The following XKR4 variants were observed in gnomAD, a reference collection of about 807,000 sequenced individuals.
XKR4 encodes XK related 4.
A neutral mutation model predicts 53.9 loss-of-function variants in XKR4; 12 were observed. The ratio of observed to expected loss-of-function variants is 0.22; its 90% CI spans 0.14 to 0.36. The LOEUF (loss-of-function observed/expected upper bound fraction) is 0.36, where lower values mean the gene tolerates loss of function less well. XKR4 is among the 10% of genes least tolerant of loss of function. The pLI, the probability that XKR4 is intolerant of heterozygous loss-of-function variation, is 1.00. For missense variants in XKR4, 799 were observed against 859.5 expected, an observed-to-expected ratio of 0.93 and a Z score of 0.88; for synonymous variants, 354 against 362.4, an observed-to-expected ratio of 0.98 and a Z score of 0.26.
chr8:55,217,234 T>G (rs1817814768), intron 1 of XKR4, among the ~76,000 whole-genome samples: 1 of 91,028 alleles, frequency 1.1e-5, no homozygotes, highest in Non-Finnish European at 2.3e-5. Flanking sequence ...AGAGCGAGAC[T>G]CTGTCTCAAA....
At chr8:55,492,120 A>C (rs1032259489) in intron 2 of XKR4, among the ~76,000 whole-genome samples, 3 of 152,168 alleles carry the variant, frequency 2.0e-5, no homozygotes, top group Non-Finnish European at 4.4e-5. Context: ...GCAAAGAGCC[A>C]GGGCAATTGC....
At chr8:55,223,823 A>T (rs541048927) in intron 1 of XKR4, among the ~76,000 whole-genome samples, 2 of 152,212 alleles carry the variant, frequency 1.3e-5, no homozygotes, top group African/African-American at 4.8e-5. Flanking sequence ...CTGAAGAGAG[A>T]TAGTTGGGTT....
At position 55,479,046 on chromosome 8, in the gene XKR4, G is replaced by C. The variant is rs926674781; in HGVS notation, c.1007-44235G>C. 4.6e-5 allele frequency among the ~76,000 whole-genome samples: 7 copies of C among 151,990 alleles called. No homozygotes were observed. In the East Asian group the frequency reaches 1.4e-3, roughly 29 times the overall value. On this transcript the variant is annotated intron_variant, in intron 2 of 2. Transcript: ENST00000327381. ...AATTGAACTCAGCTCTGCACCACGCGGACCTAATAGACATCTACAGAACTC... is the reference window on the plus strand; with the variant it reads ...AATTGAACTCAGCTCTGCACCACGCCGACCTAATAGACATCTACAGAACTC...
intron 1 of XKR4, among the ~76,000 whole-genome samples, chr8:55,261,702 G>A (rs1818528084): frequency 6.6e-6 from 1 of 152,144 alleles, no homozygotes; most frequent in African/African-American, 2.4e-5. Flanking sequence ...TAGGGATTTG[G>A]AAACAGACAG....
At chr8:55,401,250 T>C (rs1804597583) in intron 2 of XKR4, among the ~76,000 whole-genome samples, 1 of 152,226 alleles carries the variant, frequency 6.6e-6, no homozygotes, top group Non-Finnish European at 1.5e-5. Context: ...GTGGCTGTCC[T>C]GAGGACAGCT....
In XKR4 at chr8:55,245,887, G is replaced by A. The variant is rs113676706; in HGVS notation, c.807-111791G>A. Among the ~76,000 whole-genome samples the A allele has an allele frequency of 8.1e-3, 1,230 of 152,234 alleles. 22 individuals are homozygous for A. Among genetic ancestry groups the A allele is most frequent in the African/African-American group, 0.026 (1,080 of 41,534 alleles). ...AGGTGGGTGGATTACTTGAAGCCAG[G>A]AGTTCAAGACCAACTTGGGCAACAT... On this transcript the variant is annotated intron_variant, in intron 1 of 2. Transcript: ENST00000327381.
chr8:55,119,480 G>C (rs931365241), intron 1 of XKR4, among the ~76,000 whole-genome samples: 2 of 152,174 alleles, frequency 1.3e-5, no homozygotes, highest in Non-Finnish European at 1.5e-5. Context: ...GGCTGAAATG[G>C]AAGGGGAGAG....
intron 2 of XKR4, among the ~76,000 whole-genome samples, chr8:55,416,791 G>T (rs780003610): frequency 1.3e-5 from 2 of 152,108 alleles, no homozygotes; most frequent in African/African-American, 4.8e-5. Flanking sequence ...ATACCACAGC[G>T]ATTCTCTATG....
chr8:55,463,807 C>T (rs1334458731), intron 2 of XKR4, among the ~76,000 whole-genome samples: 1 of 151,848 alleles, frequency 6.6e-6, no homozygotes, highest in Non-Finnish European at 1.5e-5. Flanking sequence ...ACCACCAATC[C>T]CACAGAAATA....
intron 1 of XKR4, among the ~76,000 whole-genome samples, chr8:55,326,704 C>T (rs928974727): frequency 4.0e-5 from 6 of 151,802 alleles, no homozygotes; most frequent in South Asian, 2.1e-4. Context: ...CTCCTTGGCT[C>T]AAGCGATCTG....
intron 1 of XKR4, among the ~76,000 whole-genome samples, chr8:55,222,243 TCACC>T (rs1368150120): frequency 6.6e-6 from 1 of 152,244 alleles, no homozygotes; most frequent in East Asian, 1.9e-4. Context: ...AATGAAATAC[TCACC>T]TTTCCTGTGG....
At position 55,480,882 on chromosome 8, in the gene XKR4, C is replaced by T. The variant is rs1195309732; in HGVS notation, c.1007-42399C>T. On this transcript the variant is annotated intron_variant, in intron 2 of 2. Transcript: ENST00000327381. ...CTTCAAGGAGAACTACAAACCACTG[C>T]TCTATGAAATAAAAGAGGATACAAA... Among the ~76,000 whole-genome samples the T allele has an allele frequency of 3.9e-5, 6 of 152,120 alleles. No homozygotes were observed. In the East Asian group the frequency reaches 1.2e-3, roughly 29 times the overall value.
chr8:55,409,327 G>A (rs972785965), intron 2 of XKR4, among the ~76,000 whole-genome samples: 2 of 152,230 alleles, frequency 1.3e-5, no homozygotes, highest in African/African-American at 4.8e-5. Flanking sequence ...GAGCTTGTGG[G>A]TGGTGAGAAG....
At chr8:55,310,758 G>C (rs528147537) in intron 1 of XKR4, among the ~76,000 whole-genome samples, 1 of 152,194 alleles carries the variant, frequency 6.6e-6, no homozygotes, top group Admixed American at 6.5e-5. Context: ...TGGTTTTCAG[G>C]TTGAGTTCCT....
At chr8:55,317,266 TA>T (rs1819491365) in intron 1 of XKR4, among the ~76,000 whole-genome samples, 1 of 152,200 alleles carries the variant, frequency 6.6e-6, no homozygotes, top group African/African-American at 2.4e-5. Context: ...TACTTATATC[TA>T]AAGTAGCATT....
intron 1 of XKR4, among the ~76,000 whole-genome samples, chr8:55,326,533 C>T (rs1803297326): frequency 6.8e-6 from 1 of 147,850 alleles, no homozygotes; most frequent in South Asian, 2.2e-4. Context: ...TGCAGTGGCC[C>T]AATCTCGGCT....
chr8:55,366,574 A>G (rs1803992052), intron 2 of XKR4, among the ~76,000 whole-genome samples: 2 of 152,178 alleles, frequency 1.3e-5, no homozygotes, highest in African/African-American at 4.8e-5. Context: ...CCTGCTCCAA[A>G]ATGAACTGCT....
intron 2 of XKR4, among the ~76,000 whole-genome samples, chr8:55,433,787 A>G (rs191204085): frequency 6.6e-6 from 1 of 152,218 alleles, no homozygotes; most frequent in African/African-American, 2.4e-5. Flanking sequence ...GCACTTAGAG[A>G]AGCTGAGGTG....
intron 1 of XKR4, among the ~76,000 whole-genome samples, chr8:55,245,669 C>A (rs1201143668): frequency 6.6e-6 from 1 of 152,196 alleles, no homozygotes; most frequent in African/African-American, 2.4e-5. Context: ...CTCCAAGAGT[C>A]TCCCCATGTC....
Sources: gnomAD v4.1 joint callset for allele counts (sites outside exome capture counted in the v4.1 genomes callset) on GRCh38, gnomAD v4.1.1 for gene constraint, MANE v1.5 for transcripts, NCBI Gene and HGNC (gene_info 2026-07-23, HGNC 2026-07-21) for gene names.